WWP2: variants seen among roughly 807,000 people sequenced by gnomAD.
The protein encoded by WWP2 is WW domain containing E3 ubiquitin protein ligase 2.
WWP2 carries 57 observed loss-of-function variants against 121.0 expected under a neutral mutation model. The observed-to-expected ratio is 0.47, with a 90% CI of 0.38 to 0.59. WWP2 has a LOEUF of 0.59. Ranked by LOEUF, WWP2 falls within the 20% of genes least tolerant of loss-of-function variation. WWP2 has a pLI of 0.00. For missense variants in WWP2, 962 were observed against 1,158.9 expected (o/e 0.83, Z 2.47); for synonymous variants, 449 against 441.3 (o/e 1.02, Z -0.22).
At chr16:69,808,512 C>G (rs943401012) in intron 4 of WWP2, among the ~76,000 whole-genome samples, 1 of 152,198 alleles carries the variant, frequency 6.6e-6, no homozygotes, top group South Asian at 2.1e-4. Flanking sequence ...AGCAGTTCTC[C>G]TGCTTCAGCC....
At chr16:69,810,425 A>G (rs1468445863) in intron 4 of WWP2, among the ~76,000 whole-genome samples, 1 of 146,278 alleles carries the variant, frequency 6.8e-6, no homozygotes, top group South Asian at 2.1e-4. Context: ...GTTTTTTAAC[A>G]TCTTTTTTTT....
intron 8 of WWP2, among the ~76,000 whole-genome samples, chr16:69,902,304 A>G (rs1300596457): frequency 6.6e-6 from 1 of 152,176 alleles, no homozygotes; most frequent in African/African-American, 2.4e-5. Context: ...GTGGATTGGG[A>G]CGTAGGGTTG....
chr16:69,871,668 C>T (rs2057638622), intron 6 of WWP2, 136 bp from the exon 7 acceptor site: 3 of 1,319,090 alleles, frequency 2.3e-6, no homozygotes, highest in Non-Finnish European at 2.1e-6. Flanking sequence ...TCTGTTTAGT[C>T]CAAAACTAGA....
intron 4 of WWP2, among the ~76,000 whole-genome samples, chr16:69,816,796 T>C (rs781220292): frequency 2.0e-4 from 31 of 152,032 alleles, no homozygotes; most frequent in South Asian, 1.2e-3. Context: ...CACACACACA[T>C]ATATACACAC....
chr16:69,782,920 C>T (rs1159647813), intron 1 of WWP2: 1 of 152,178 alleles, frequency 6.6e-6, no homozygotes, highest in East Asian at 1.9e-4. Context: ...ATCCTCTTGC[C>T]GCAGCCTCCC....
At chr16:69,907,316 A>C (rs2058309668) in intron 8 of WWP2, among the ~76,000 whole-genome samples, 1 of 152,220 alleles carries the variant, frequency 6.6e-6, no homozygotes, top group Non-Finnish European at 1.5e-5. Flanking sequence ...TGTTTCTCAC[A>C]GACAAAATCA....
chr16:69,774,457 C>T (rs1345994723), intron 1 of WWP2, among the ~76,000 whole-genome samples: 4 of 152,050 alleles, frequency 2.6e-5, no homozygotes, highest in African/African-American at 7.2e-5. Context: ...AGGTTTTGCC[C>T]TATTGTTCAG....
chr16:69,816,762 T>C (rs2056500098), intron 4 of WWP2, among the ~76,000 whole-genome samples: 1 of 152,042 alleles, frequency 6.6e-6, no homozygotes, highest in Admixed American at 6.6e-5. Context: ...CGTATACATA[T>C]ACACATACAC....
chr16:69,825,916 ACCCTGC>A (rs2056679307), intron 4 of WWP2, among the ~76,000 whole-genome samples: 1 of 151,998 alleles, frequency 6.6e-6, no homozygotes. Context: ...GAGCCACCAC[ACCCTGC>A]CTGGAAAATA....
intron 10 of WWP2, 115 bp downstream of exon 10, chr16:69,917,998 G>C (rs571581172): frequency 1.5e-6 from 2 of 1,319,858 alleles, no homozygotes; most frequent in African/African-American, 1.5e-5. Context: ...GTCTGGCAAC[G>C]TCAGTGCTCT....
intron 4 of WWP2, among the ~76,000 whole-genome samples, chr16:69,836,162 T>A (rs11864225): frequency 0.044 from 6,700 of 152,258 alleles, 512 homozygotes; most frequent in African/African-American, 0.15. Context: ...AAACATCATC[T>A]AATATTCAGT....
chr16:69,784,096 T>TC (rs2055729218), intron 1 of WWP2, among the ~76,000 whole-genome samples: 1 of 107,104 alleles, frequency 9.3e-6, no homozygotes, highest in South Asian at 3.4e-4. Flanking sequence ...TCTTTCTTTT[T>TC]TTTTTTTTTT....
At chr16:69,836,675 A>G (rs939267138) in intron 4 of WWP2, among the ~76,000 whole-genome samples, 10 of 152,148 alleles carry the variant, frequency 6.6e-5, no homozygotes, top group Admixed American at 1.3e-4. Flanking sequence ...CAGTGGCGCA[A>G]TCTTGGCTCA....
intron 7 of WWP2, among the ~76,000 whole-genome samples, chr16:69,883,589 G>C (rs1160632231): frequency 6.6e-6 from 1 of 151,864 alleles, no homozygotes; most frequent in Admixed American, 6.6e-5. Context: ...TTTAAGTTCC[G>C]GGGTACGTGT....
intron 9 of WWP2, among the ~76,000 whole-genome samples, chr16:69,910,750 T>G (rs2058367657): frequency 6.6e-6 from 1 of 152,130 alleles, no homozygotes; most frequent in African/African-American, 2.4e-5. Context: ...AGGAGGGACG[T>G]AGGCCTTGAC....
intron 4 of WWP2, among the ~76,000 whole-genome samples, chr16:69,839,064 A>G (rs1426232739): frequency 7.0e-6 from 1 of 143,416 alleles, no homozygotes; most frequent in Non-Finnish European, 1.5e-5. Flanking sequence ...TTATGGAGAC[A>G]TTTATATATA....
chr16:69,770,385 C>T (rs936993118), intron 1 of WWP2, among the ~76,000 whole-genome samples: 1 of 152,016 alleles, frequency 6.6e-6, no homozygotes, highest in Non-Finnish European at 1.5e-5. Context: ...CCATAAAAAC[C>T]CTGAAGGACT....
intron 6 of WWP2, among the ~76,000 whole-genome samples, chr16:69,858,873 T>A (rs2057366894): frequency 6.6e-6 from 1 of 152,198 alleles, no homozygotes; most frequent in African/African-American, 2.4e-5. Flanking sequence ...GAGTGTCTCC[T>A]TGAGGACATT....
At chr16:69,768,371 G>A (rs535264656) in intron 1 of WWP2, among the ~76,000 whole-genome samples, 2 of 152,290 alleles carry the variant, frequency 1.3e-5, no homozygotes, top group Non-Finnish European at 2.9e-5. Flanking sequence ...CACTTTAGGA[G>A]GCCGAGGTGG....
Sources: gnomAD v4.1 joint callset for allele counts (sites outside exome capture counted in the v4.1 genomes callset) on GRCh38, gnomAD v4.1.1 for gene constraint, MANE v1.5 for transcripts, NCBI Gene and HGNC (gene_info 2026-07-23, HGNC 2026-07-21) for gene names.